The following FAM169A variants were observed in gnomAD, a reference collection of about 807,000 sequenced individuals.
The protein encoded by FAM169A is family with sequence similarity 169 member A, also known as soluble lamin-associated protein of 75 kDa.
A neutral mutation model predicts 75.7 loss-of-function variants in FAM169A; 24 were observed. That is an observed-to-expected ratio of 0.32 (90% CI 0.23 to 0.45). The LOEUF (loss-of-function observed/expected upper bound fraction) is 0.45. Among genes scored for constraint, FAM169A ranks in the 20% least tolerant of loss-of-function variants. FAM169A has a pLI of 1.00. For synonymous variants in FAM169A, 271 were observed against 271.0 expected (o/e 1.00, Z 0.00); for missense variants, 673 against 784.0 (o/e 0.86, Z 1.69).
intron 5 of FAM169A, among the ~76,000 whole-genome samples, chr5:74,833,727 G>A (rs1386084374): frequency 6.6e-6 from 1 of 152,206 alleles, no homozygotes; most frequent in Non-Finnish European, 1.5e-5. Flanking sequence ...AAACAAGGCA[G>A]ACTTTGTTCT....
rs997855214 is a variant in FAM169A at position 74,784,775 on chromosome 5, C to T, written c.1261-1641G>A. Among the ~76,000 whole-genome samples, 5 of 150,698 alleles carry T rather than the reference C, an allele frequency of 3.3e-5. 1 individual carries two copies. The highest frequency in any genetic ancestry group is 4.2e-4 in the South Asian group (2 of 4,758). On this transcript the variant is annotated intron_variant, in intron 11 of 12. Coordinates refer to ENST00000687041, the MANE Select transcript of FAM169A (RefSeq NM_001376049.1). ...CTACTAAAAAATACAAAAAATTAGC[C>T]GGGCGTGGTGGCAGGCGCCTGTAGT...
chr5:74,811,437 C>G (rs1747188234), intron 6 of FAM169A, among the ~76,000 whole-genome samples: 1 of 152,026 alleles, frequency 6.6e-6, no homozygotes, highest in Non-Finnish European at 1.5e-5. Context: ...TTAGGACTAT[C>G]CAAGGACACA....
At chr5:74,864,870 C>A (rs184013969) in intron 1 of FAM169A, among the ~76,000 whole-genome samples, 1 of 152,314 alleles carries the variant, frequency 6.6e-6, no homozygotes, top group African/African-American at 2.4e-5. Context: ...CCAAAACAAG[C>A]AAAACTAAAA....
chr5:74,842,730 T>C (rs1748948086), intron 1 of FAM169A, among the ~76,000 whole-genome samples: 1 of 151,756 alleles, frequency 6.6e-6, no homozygotes, highest in Non-Finnish European at 1.5e-5. Flanking sequence ...TTGTTATTTG[T>C]TTTTTAAGCA....
At chr5:74,800,038 A>T in intron 10 of FAM169A, 1 of 738,158 alleles carries the variant, frequency 1.4e-6, no homozygotes, top group Non-Finnish European at 2.5e-6. Context: ...ACTGGCATCG[A>T]TGGAGAGCCA....
intron 10 of FAM169A, among the ~76,000 whole-genome samples, chr5:74,797,268 C>T (rs1021492717): frequency 4.1e-4 from 63 of 152,216 alleles, no homozygotes; most frequent in African/African-American, 1.5e-3. Flanking sequence ...CCTCCGCCTC[C>T]TGGGTTCAAA....
chr5:74,841,769 ATATTTTGT>A (rs1387323000), intron 1 of FAM169A, 90 bp from the exon 2 acceptor site: 2 of 1,116,948 alleles, frequency 1.8e-6, no homozygotes, highest in Middle Eastern at 2.1e-4. Context: ...CAATGTTGCC[ATATTTTGT>A]TATAACAAGA....
intron 11 of FAM169A, among the ~76,000 whole-genome samples, chr5:74,795,175 T>C (rs891470377): frequency 6.6e-6 from 1 of 150,840 alleles, no homozygotes; most frequent in Non-Finnish European, 1.5e-5. Flanking sequence ...GGAGAATCAC[T>C]TGAACCCAGG....
At chr5:74,802,944 T>A (rs1434119058) in intron 8 of FAM169A, among the ~76,000 whole-genome samples, 1 of 152,136 alleles carries the variant, frequency 6.6e-6, no homozygotes, top group Non-Finnish European at 1.5e-5. Flanking sequence ...AACAATACCA[T>A]CATCACCTAA....
rs1745196179 is a variant in FAM169A, at chr5:74,777,776, A to AAACTT, written c.*3679_*3683dup. ...AAATATAGGTTTAATTACTACTTTT[A>AAACTT]AACTTAAAAAAAAATAAAAACCAAG... On this transcript the variant is annotated 3_prime_UTR_variant, in exon 13 of 13. Coordinates refer to ENST00000687041, the MANE Select transcript of FAM169A (RefSeq NM_001376049.1). The AAACTT allele has an allele frequency of 6.6e-6, 1 of 152,186 alleles. No individual in the cohort carries two copies. Among genetic ancestry groups the AAACTT allele is most frequent in the South Asian group, 2.1e-4 (1 of 4,830 alleles). 9.4% of individuals were successfully genotyped at this position (152,186 alleles called of 1,614,324 possible).
At chr5:74,792,232 G>A (rs932067959) in intron 11 of FAM169A, among the ~76,000 whole-genome samples, 1 of 152,182 alleles carries the variant, frequency 6.6e-6, no homozygotes, top group African/African-American at 2.4e-5. Context: ...CAACTTGATT[G>A]GATTGAAGGA....
rs1201013988 is a variant in FAM169A, at chr5:74,810,440, TGTGTACGGTAC to T, written c.670+3389_670+3399del. Reference sequence around the variant, plus strand: ...AGAAGTCAGCAAAAATGTACACTTTTGTGTACGGTACATGTACGGTACATGTAGGCTGGGCG... The same window carrying T: ...AGAAGTCAGCAAAAATGTACACTTTTATGTACGGTACATGTAGGCTGGGCG... On this transcript the variant is annotated intron_variant, in intron 6 of 12. Coordinates refer to ENST00000687041, the MANE Select transcript of FAM169A (RefSeq NM_001376049.1). 9.9e-5 allele frequency among the ~76,000 whole-genome samples: 15 copies of T among 152,124 alleles called. No homozygotes were observed. In the East Asian group the frequency reaches 2.9e-3, roughly 30 times the overall value.
At chr5:74,818,952 G>A (rs903378157) in intron 5 of FAM169A, among the ~76,000 whole-genome samples, 4 of 152,268 alleles carry the variant, frequency 2.6e-5, no homozygotes, top group South Asian at 4.1e-4. Flanking sequence ...AGGCGCGGAG[G>A]CTCACGCCTG....
At chr5:74,824,871 G>A (rs546478482) in intron 5 of FAM169A, among the ~76,000 whole-genome samples, 7 of 151,628 alleles carry the variant, frequency 4.6e-5, no homozygotes, top group Non-Finnish European at 7.4e-5. Context: ...TCCATTTTAG[G>A]CATAGATAGC....
intron 1 of FAM169A, among the ~76,000 whole-genome samples, chr5:74,860,406 CT>C (rs1349711514): frequency 6.6e-6 from 1 of 152,164 alleles, no homozygotes. Flanking sequence ...ACTAAATTGG[CT>C]TCTGTCCTTA....
At chr5:74,863,193 T>C (rs374388258) in intron 1 of FAM169A, among the ~76,000 whole-genome samples, 3 of 152,154 alleles carry the variant, frequency 2.0e-5, no homozygotes, top group African/African-American at 7.2e-5. Context: ...TTCTAGGATA[T>C]CTCTGATAAA....
At chr5:74,812,115 C>G (rs1747226017) in intron 6 of FAM169A, among the ~76,000 whole-genome samples, 1 of 152,082 alleles carries the variant, frequency 6.6e-6, no homozygotes, top group African/African-American at 2.4e-5. Context: ...TATTTGATAT[C>G]TTATTTTTAT....
rs1197893473 is a variant in FAM169A at position 74,866,224 on chromosome 5, T to G, written c.-63A>C. 4 of 984,232 alleles carry G rather than the reference T, an allele frequency of 4.1e-6. No homozygotes were observed. The highest frequency in any genetic ancestry group is 9.4e-5 in the South Asian group (2 of 21,288). The allele number at this position is 984,232 out of a possible 1,614,324, so 61.0% of individuals were successfully genotyped here. A position where few individuals can be genotyped will look rare whatever the true frequency, so the allele number is the denominator to read the frequency against. ...GGGAAAGGAGGCGGAGCCGCGCGAA[T>G]GAATGGAGCCGGCGGCTGCTCGCTG... is the stretch of plus-strand genomic sequence containing the variant. On this transcript the variant is annotated 5_prime_UTR_variant, in exon 1 of 13. Transcript: ENST00000687041.
intron 7 of FAM169A, among the ~76,000 whole-genome samples, chr5:74,804,891 G>A (rs1370026544): frequency 1.3e-5 from 2 of 152,106 alleles, no homozygotes; most frequent in East Asian, 3.9e-4. Context: ...AGTAATCTAC[G>A]TTTATTTCTT....
Sources: allele counts gnomAD v4.1 joint callset (sites outside exome capture counted in the v4.1 genomes callset), GRCh38; gene constraint gnomAD v4.1.1; transcripts MANE v1.5; gene names NCBI Gene and HGNC (gene_info 2026-07-23, HGNC 2026-07-21).